Variants in NRDC observed in about 807,000 individuals in gnomAD.
NRDC encodes nardilysin convertase.
Under a neutral mutation model 147.1 loss-of-function variants are expected in NRDC, and 54 were observed. The ratio of observed to expected loss-of-function variants is 0.37; its 90% CI spans 0.29 to 0.46. NRDC has a LOEUF of 0.46. Among genes scored for constraint, NRDC ranks in the 20% least tolerant of loss-of-function variants. The probability of loss-of-function intolerance (pLI) is 1.00; values close to 1 mark genes in which losing one functional copy is unlikely to be tolerated. For missense variants in NRDC, 1,082 were observed against 1,370.6 expected, an observed-to-expected ratio of 0.79 and a Z score of 3.33; for synonymous variants, 440 against 482.1, an observed-to-expected ratio of 0.91 and a Z score of 1.14.
intron 1 of NRDC, among the ~76,000 whole-genome samples, chr1:51,859,224 T>A (rs949134121): frequency 6.6e-6 from 1 of 152,260 alleles, no homozygotes; most frequent in Non-Finnish European, 1.5e-5. Flanking sequence ...CAATCCTTTA[T>A]GTAAGCTATA....
chr1:51,800,163 T>C (rs1679125770), intron 21 of NRDC, among the ~76,000 whole-genome samples: 1 of 152,160 alleles, frequency 6.6e-6, no homozygotes, highest in Non-Finnish European at 1.5e-5. Flanking sequence ...TTTGTAGAGA[T>C]GAAGTCTTGC....
intron 1 of NRDC, among the ~76,000 whole-genome samples, chr1:51,861,622 A>T (rs959794745): frequency 1.3e-5 from 2 of 152,108 alleles, no homozygotes; most frequent in African/African-American, 4.8e-5. Flanking sequence ...CTAGGATTAC[A>T]AGTGGTGAGC....
chr1:51,818,117 A>G lies in NRDC; in HGVS notation c.1310T>C (p.Ile437Thr). Reference sequence around the variant, plus strand: ...TGCCCATGTGATGGTCAGAGCATGAATTTTTCTGATTGGAACAACTAAACA... The same window carrying G: ...TGCCCATGTGATGGTCAGAGCATGAGTTTTTCTGATTGGAACAACTAAACA... Reference protein sequence around the residue: ...KLYRVVPIRKIHALTITWALP... With the variant: ...KLYRVVPIRKTHALTITWALP... The change falls in exon 10 of 31, where the codon ATT becomes ACT. Residue 437 changes from isoleucine (I) to threonine (T), a missense_variant. By Grantham distance (89) the Ile-to-Thr change is moderately conservative. Around this residue, in one of 3 missense-constraint regions of NRDC, gnomAD observed 635 missense variants for 923.8 expected, o/e 0.69. Transcript: ENST00000352171. The G allele has an allele frequency of 6.2e-7, 1 of 1,604,524 alleles. No individual in the cohort carries two copies. The highest frequency in any genetic ancestry group is 8.5e-7 in the Non-Finnish European group (1 of 1,177,418).
At chr1:51,857,725 A>T (rs1347756426) in intron 1 of NRDC, among the ~76,000 whole-genome samples, 3 of 152,200 alleles carry the variant, frequency 2.0e-5, no homozygotes, top group Admixed American at 2.0e-4. Flanking sequence ...ACTGACTTGG[A>T]TTCAGTTAAG....
rs1377391995 is a variant in NRDC at position 51,791,570 on chromosome 1, T to A, written c.2960+8A>T. 5 of 1,602,106 alleles carry A rather than the reference T, an allele frequency of 3.1e-6. No individual in the cohort carries two copies. In the Admixed American group the frequency reaches 8.3e-5, roughly 27 times the overall value. On this transcript the variant is annotated splice_region_variant and intron_variant, in intron 27 of 30. Transcript: ENST00000352171. ...AGGTTACACTCATCTATTCACTCAC[T>A]CACTCACTTGTATTTGGTTGCCTGA...
At chr1:51,860,586 A>C (rs1213380137) in intron 1 of NRDC, among the ~76,000 whole-genome samples, 2 of 152,158 alleles carry the variant, frequency 1.3e-5, no homozygotes, top group African/African-American at 4.8e-5. Context: ...ACTTCTATCT[A>C]CTTTTTCATC....
chr1:51,875,302 G>A (rs1434726088), intron 1 of NRDC, among the ~76,000 whole-genome samples: 1 of 152,206 alleles, frequency 6.6e-6, no homozygotes, highest in Non-Finnish European at 1.5e-5. Flanking sequence ...TCTGAAAGGG[G>A]AGGGTTATTG....
rs149555128 is a variant in NRDC at position 51,790,975 on chromosome 1, A to G, written c.2976T>C (p.Asp992=). ...TAGAAAGAAACTCTTCTATCTTCTT[A>G]TCAACAACTTCAGAACTGAAACAAA... ...QATKYNSEVV[D]KKIEEFLSSF... is the part of the protein sequence containing the mutation. Residue 992 remains aspartate, a synonymous_variant, in exon 28 of 31, where the codon GAT becomes GAC. Coordinates refer to ENST00000352171, the MANE Select transcript of NRDC (RefSeq NM_001101662.2). 149 of 1,612,362 alleles carry G rather than the reference A, an allele frequency of 9.2e-5. No individual in the cohort carries two copies. Among genetic ancestry groups the G allele is most frequent in the Middle Eastern group, 6.6e-4 (4 of 6,082 alleles).
chr1:51,839,327 A>G lies in NRDC; in HGVS notation c.630+899T>C, dbSNP rs141350741. ...CAGGCATGTGCCACCACACCCAGCT[A>G]ATTTTTTTTAATGTTTTAGAGAGAC... On this transcript the variant is annotated intron_variant, in intron 2 of 30. Coordinates refer to ENST00000352171, the MANE Select transcript of NRDC (RefSeq NM_001101662.2). Among the ~76,000 whole-genome samples, 8 of 152,076 alleles carry G rather than the reference A, an allele frequency of 5.3e-5. No homozygotes were observed. In the East Asian group the frequency reaches 1.5e-3, roughly 29 times the overall value.
intron 1 of NRDC, chr1:51,860,171 A>C (rs1263546344): frequency 6.3e-6 from 1 of 159,198 alleles, no homozygotes; most frequent in East Asian, 1.9e-4. Flanking sequence ...TTTTATTCAT[A>C]CAAGATTGGA....
At chr1:51,823,411 A>G (rs1464518128) in intron 7 of NRDC, among the ~76,000 whole-genome samples, 1 of 152,214 alleles carries the variant, frequency 6.6e-6, no homozygotes, top group African/African-American at 2.4e-5. Context: ...TTCACAGACC[A>G]GCCTACATAT....
chr1:51,838,619 T>C (rs1681098790), intron 2 of NRDC, among the ~76,000 whole-genome samples: 1 of 152,186 alleles, frequency 6.6e-6, no homozygotes, highest in Non-Finnish European at 1.5e-5. Context: ...TTTTATATTC[T>C]TGTTTTAAAA....
At chr1:51,805,382 A>G in intron 19 of NRDC, 128 bp downstream of exon 19, 1 of 678,586 alleles carries the variant, frequency 1.5e-6, no homozygotes, top group Non-Finnish European at 2.4e-6. Flanking sequence ...GAGTACAGAA[A>G]AAAATACATA....
intron 7 of NRDC, 125 bp downstream of exon 7, chr1:51,823,539 C>T: frequency 6.3e-6 from 4 of 633,914 alleles, no homozygotes; most frequent in Non-Finnish European, 9.8e-6. Context: ...GTTCTGATTT[C>T]CTTTACTTTG....
At chr1:51,821,890 A>C (rs2149209164) in intron 7 of NRDC, among the ~76,000 whole-genome samples, 1 of 152,292 alleles carries the variant, frequency 6.6e-6, no homozygotes, top group South Asian at 2.1e-4. Context: ...GCCCATTCTA[A>C]AACTTACATC....
chr1:51,870,335 C>T (rs977742802), intron 1 of NRDC, among the ~76,000 whole-genome samples: 2 of 152,188 alleles, frequency 1.3e-5, no homozygotes, highest in African/African-American at 4.8e-5. Flanking sequence ...ACAACTGACA[C>T]AATTATAACT....
chr1:51,800,775 C>G, intron 20 of NRDC, 92 bp from the exon 21 acceptor site: 1 of 1,315,200 alleles, frequency 7.6e-7, no homozygotes, highest in South Asian at 1.4e-5. Flanking sequence ...TACCAGGTAC[C>G]CAGCATGGAA....
intron 25 of NRDC, 75 bp downstream of exon 25, chr1:51,792,302 C>A: frequency 6.7e-7 from 1 of 1,498,170 alleles, no homozygotes; most frequent in Non-Finnish European, 9.3e-7. Context: ...ATGTCCCTAA[C>A]CCAGGCAGAA....
chr1:51,855,673 C>T (rs1200676860), intron 1 of NRDC, among the ~76,000 whole-genome samples: 1 of 151,992 alleles, frequency 6.6e-6, no homozygotes, highest in East Asian at 1.9e-4. Flanking sequence ...ATGTGCTATA[C>T]AGCCTGGCCA....
Sources: gnomAD v4.1 joint callset for allele counts (sites outside exome capture counted in the v4.1 genomes callset) on GRCh38, gnomAD v4.1.1 for gene constraint, gnomAD v4.1.1 regional missense constraint, MANE v1.5 for transcripts, NCBI Gene and HGNC (gene_info 2026-07-23, HGNC 2026-07-21) for gene names.